The following KCND2 variants were observed in gnomAD, a reference collection of about 807,000 sequenced individuals.
The protein encoded by KCND2 is A-type voltage-gated potassium channel KCND2.
A neutral mutation model predicts 54.4 loss-of-function variants in KCND2; 16 were observed. The ratio of observed to expected loss-of-function variants is 0.29; its 90% confidence interval spans 0.20 to 0.45. KCND2 has a LOEUF of 0.45. KCND2 is among the 20% of genes least tolerant of loss of function. KCND2 has a pLI of 1.00. For synonymous variants in KCND2, 317 were observed against 310.7 expected (o/e 1.02, Z -0.21); for missense variants, 486 against 824.2 (o/e 0.59, Z 5.02).
At chr7:120,303,614 A>T (rs530869675) in intron 1 of KCND2, among the ~76,000 whole-genome samples, 2 of 152,212 alleles carry the variant, frequency 1.3e-5, no homozygotes, top group Non-Finnish European at 1.5e-5. Flanking sequence ...TCCCAACTTC[A>T]TGCTCTCTTT....
At chr7:120,698,152 T>C (rs1201757797) in intron 1 of KCND2, among the ~76,000 whole-genome samples, 1 of 151,334 alleles carries the variant, frequency 6.6e-6, no homozygotes, top group African/African-American at 2.4e-5. Flanking sequence ...GTAGCTAGGA[T>C]TATAGGCATG....
chr7:120,431,450 A>C (rs770638027), intron 1 of KCND2, among the ~76,000 whole-genome samples: 1 of 152,218 alleles, frequency 6.6e-6, no homozygotes, highest in Non-Finnish European at 1.5e-5. Flanking sequence ...AGATGAGGAC[A>C]GAAACATGGT....
chr7:120,580,890 A>G (rs1358276911), intron 1 of KCND2, among the ~76,000 whole-genome samples: 1 of 152,192 alleles, frequency 6.6e-6, no homozygotes, highest in East Asian at 1.9e-4. Context: ...TAAAAGGCCA[A>G]ATTACCTTAG....
At position 120,747,846 on chromosome 7, in the gene KCND2, T is replaced by C; in HGVS notation, c.1881T>C (p.Val627=). Residue 627 remains valine (V), a synonymous_variant, in exon 6 of 6, where the codon GTT becomes GTC. Transcript: ENST00000331113. ...ACTCAGGAGGAAATATTGTCAGAGT[T>C]TCTGCTTTGTAAGACAATTGGAATA... The part of the protein sequence containing the change: ...PEYSGGNIVR[V]SAL 1.9e-6 allele frequency: 3 copies of C among 1,611,574 alleles called. No homozygotes were observed. The highest frequency in any genetic ancestry group is 2.5e-6 in the Non-Finnish European group (3 of 1,178,348).
chr7:120,406,525 G>T (rs887070016), intron 1 of KCND2, among the ~76,000 whole-genome samples: 1 of 151,952 alleles, frequency 6.6e-6, no homozygotes, highest in African/African-American at 2.4e-5. Context: ...CAAAACACAT[G>T]CACACTAATA....
rs1235035337 is a variant in KCND2 at position 120,275,217 on chromosome 7, T to C, written c.585T>C (p.Ile195=). 1.9e-6 allele frequency: 3 copies of C among 1,613,790 alleles called. No homozygotes were observed. Among genetic ancestry groups the C allele is most frequent in the Admixed American group, 3.3e-5 (2 of 59,996 alleles). Residue 195 remains isoleucine, a synonymous_variant, in exon 1 of 6, where the codon ATT becomes ATC. Transcript: ENST00000331113. ...TCTACTATGTCACGGGGTTTTTCAT[T>C]GCCGTCTCTGTCATCGCGAATGTGG... ...LVFYYVTGFF[I]AVSVIANVVE...
intron 1 of KCND2, among the ~76,000 whole-genome samples, chr7:120,423,722 A>G (rs772206293): frequency 3.3e-5 from 5 of 152,218 alleles, no homozygotes; most frequent in Admixed American, 1.3e-4. Flanking sequence ...GTCATACTGC[A>G]TTACTGGCTC....
intron 1 of KCND2, among the ~76,000 whole-genome samples, chr7:120,562,756 A>T (rs1026533237): frequency 6.6e-6 from 1 of 152,164 alleles, no homozygotes; most frequent in African/African-American, 2.4e-5. Context: ...CATAAAATAA[A>T]ACTCAGATAT....
At chr7:120,697,218 A>G (rs1467384291) in intron 1 of KCND2, among the ~76,000 whole-genome samples, 1 of 152,220 alleles carries the variant, frequency 6.6e-6, no homozygotes, top group East Asian at 1.9e-4. Flanking sequence ...AAATCAGAGG[A>G]TAACTTTTTA....
chr7:120,316,414 G>A (rs1799813015), intron 1 of KCND2, among the ~76,000 whole-genome samples: 1 of 152,126 alleles, frequency 6.6e-6, no homozygotes, highest in Admixed American at 6.5e-5. Context: ...TTCCCCTAAT[G>A]TTTTTCATAA....
At chr7:120,522,768 C>G (rs1198502363) in intron 1 of KCND2, among the ~76,000 whole-genome samples, 2 of 152,178 alleles carry the variant, frequency 1.3e-5, no homozygotes, top group Non-Finnish European at 2.9e-5. Flanking sequence ...AATCATATCA[C>G]TGCCAAGTCC....
At chr7:120,532,386 C>T (rs993038813) in intron 1 of KCND2, among the ~76,000 whole-genome samples, 1 of 151,554 alleles carries the variant, frequency 6.6e-6, no homozygotes, top group African/African-American at 2.4e-5. Context: ...AACAGTTAAG[C>T]CTATAGTTAT....
chr7:120,610,555 T>C (rs1165097689), intron 1 of KCND2, among the ~76,000 whole-genome samples: 1 of 152,150 alleles, frequency 6.6e-6, no homozygotes, highest in Non-Finnish European at 1.5e-5. Context: ...GGGTAGGACC[T>C]GAGATTCTGA....
intron 1 of KCND2, among the ~76,000 whole-genome samples, chr7:120,720,473 G>A (rs978960657): frequency 6.6e-6 from 1 of 152,116 alleles, no homozygotes; most frequent in Non-Finnish European, 1.5e-5. Context: ...TCTTACTAGT[G>A]ATCCAGATGC....
Position 120,432,647 on chromosome 7 carries a change from G to A in KCND2, c.1115+156900G>A, listed in dbSNP as rs117236697. Among the ~76,000 whole-genome samples, 611 of 152,116 alleles carry A rather than the reference G, an allele frequency of 4.0e-3. 4 individuals are homozygous for A. Among genetic ancestry groups the A allele is most frequent in the African/African-American group, 0.014 (561 of 41,504 alleles). ...TTTGTTTTGGGTTTTTTGTTTGTTT[G>A]TTTATTTGTTTTTTTGAGATGGAGT... On this transcript the variant is annotated intron_variant, in intron 1 of 5. Transcript: ENST00000331113.
intron 1 of KCND2, among the ~76,000 whole-genome samples, chr7:120,331,890 T>C (rs1269257603): frequency 1.3e-5 from 2 of 152,084 alleles, no homozygotes; most frequent in Non-Finnish European, 2.9e-5. Context: ...CCATTATTTC[T>C]AGTCATAGGC....
At chr7:120,626,890 A>G (rs187149503) in intron 1 of KCND2, among the ~76,000 whole-genome samples, 1 of 152,320 alleles carries the variant, frequency 6.6e-6, no homozygotes, top group Admixed American at 6.5e-5. Context: ...TCACTCCAAA[A>G]AAGTCCCTAA....
intron 1 of KCND2, among the ~76,000 whole-genome samples, chr7:120,630,313 A>G (rs180787729): frequency 6.6e-6 from 1 of 152,288 alleles, no homozygotes; most frequent in East Asian, 1.9e-4. Flanking sequence ...AAGAAATGTG[A>G]GGCAGAATCC....
At chr7:120,388,529 G>T (rs1381242336) in intron 1 of KCND2, among the ~76,000 whole-genome samples, 1 of 151,972 alleles carries the variant, frequency 6.6e-6, no homozygotes, top group Non-Finnish European at 1.5e-5. Flanking sequence ...TAGAGATGGA[G>T]GTGGAACCCA....
Sources: gnomAD v4.1 joint callset for allele counts (sites outside exome capture counted in the v4.1 genomes callset) on GRCh38, gnomAD v4.1.1 for gene constraint, MANE v1.5 for transcripts, NCBI Gene and HGNC (gene_info 2026-07-23, HGNC 2026-07-21) for gene names.